Variants in FYB1 observed in about 807,000 individuals in gnomAD.
The protein encoded by FYB1 is FYN-binding protein 1.
Under a neutral mutation model 94.1 loss-of-function variants are expected in FYB1, and 41 were observed. The ratio of observed to expected loss-of-function variants is 0.44; its 90% CI spans 0.34 to 0.57. The LOEUF (loss-of-function observed/expected upper bound fraction) is 0.57, where lower values mean the gene tolerates loss of function less well. Among genes scored for constraint, FYB1 ranks in the 20% least tolerant of loss-of-function variants. The probability of loss-of-function intolerance (pLI) is 0.02; values close to 1 mark genes in which losing one functional copy is unlikely to be tolerated. For missense variants in FYB1, 1,050 were observed against 976.8 expected (o/e 1.07, Z -1.00); for synonymous variants, 367 against 353.2 (o/e 1.04, Z -0.44).
At chr5:39,223,277 T>C (rs1750346496), upstream of FYB1, among the ~76,000 whole-genome samples, 1 of 152,160 alleles carries the variant, frequency 6.6e-6, no homozygotes, top group South Asian at 2.1e-4. Flanking sequence ...AGTAGTATTT[T>C]CCCCTATCAT....
At chr5:39,249,225 C>A (rs1020911849) in intron 1 of FYB1, among the ~76,000 whole-genome samples, 11 of 152,184 alleles carry the variant, frequency 7.2e-5, no homozygotes, top group African/African-American at 2.4e-4. Flanking sequence ...AGAATGCCAG[C>A]CTTACATGTG....
At chr5:39,167,541 C>T (rs1235334038) in intron 2 of FYB1, among the ~76,000 whole-genome samples, 1 of 152,134 alleles carries the variant, frequency 6.6e-6, no homozygotes, top group African/African-American at 2.4e-5. Flanking sequence ...TATTGTGCTG[C>T]CTATTCTGGG....
chr5:39,139,031 A>G, intron 5 of FYB1: 4 of 594,000 alleles, frequency 6.7e-6, no homozygotes, highest in Non-Finnish European at 1.1e-5. Context: ...TTTGTTCAGC[A>G]CTACAGCATT....
At chr5:39,145,339 G>A (rs1201211524) in intron 3 of FYB1, among the ~76,000 whole-genome samples, 1 of 152,128 alleles carries the variant, frequency 6.6e-6, no homozygotes, top group East Asian at 1.9e-4. Flanking sequence ...TATTTGGAAT[G>A]TTTAAAAATG....
intron 2 of FYB1, among the ~76,000 whole-genome samples, chr5:39,189,409 C>A (rs1433639101): frequency 6.6e-6 from 1 of 152,150 alleles, no homozygotes; most frequent in Non-Finnish European, 1.5e-5. Flanking sequence ...TCTAGTAATA[C>A]AATGACTATC....
intron 2 of FYB1, among the ~76,000 whole-genome samples, chr5:39,185,992 G>A (rs189462569): frequency 0.015 from 2,282 of 152,204 alleles, 25 homozygotes; most frequent in Non-Finnish European, 0.023. Context: ...CCTTGTCCAG[G>A]AGGAAAGAGG....
At chr5:39,116,261 A>G (rs2150270543) in intron 16 of FYB1, among the ~76,000 whole-genome samples, 1 of 152,336 alleles carries the variant, frequency 6.6e-6, no homozygotes, top group South Asian at 2.1e-4. Flanking sequence ...AACTCTTTAC[A>G]TAAAAAGCAA....
At chr5:39,227,003 T>A (rs1405222772) in intron 1 of FYB1, among the ~76,000 whole-genome samples, 3 of 152,242 alleles carry the variant, frequency 2.0e-5, no homozygotes, top group Non-Finnish European at 4.4e-5. Context: ...GTGGGACTTT[T>A]GATAGGCTAT....
chr5:39,206,367 C>T (rs1748857517), intron 1 of FYB1, among the ~76,000 whole-genome samples: 1 of 152,126 alleles, frequency 6.6e-6, no homozygotes, highest in African/African-American at 2.4e-5. Flanking sequence ...CCCAGACTCA[C>T]CCTTAATCGT....
chr5:39,247,923 C>T (rs1165009703), intron 1 of FYB1, among the ~76,000 whole-genome samples: 1 of 33,088 alleles, frequency 3.0e-5, no homozygotes, highest in African/African-American at 4.6e-5. Flanking sequence ...TGTTTTCAGA[C>T]AATCTGCTTT....
rs781146910 is a variant in FYB1 at position 39,203,004 on chromosome 5, C to T, written c.-27-17G>A. The T allele has an allele frequency of 6.2e-7, 1 of 1,601,276 alleles. No homozygotes were observed. The highest frequency in any genetic ancestry group is 1.1e-5 in the South Asian group (1 of 90,226). ...CTTTCCATCCTACAAACATAGGGAA[C>T]AAAAAATAGCTGAGAGACAAAAGTC... On this transcript the variant is annotated splice_polypyrimidine_tract_variant and intron_variant, in intron 1 of 18. Coordinates refer to ENST00000512982, the MANE Select transcript of FYB1 (RefSeq NM_001465.6).
intron 6 of FYB1, 127 bp from the exon 7 acceptor site, chr5:39,137,847 A>T: frequency 1.6e-6 from 2 of 1,238,918 alleles, no homozygotes; most frequent in Non-Finnish European, 2.2e-6. Context: ...GTAAAAAGCG[A>T]AAGGTTGTCA....
At chr5:39,195,031 T>C (rs1038545371) in intron 2 of FYB1, among the ~76,000 whole-genome samples, 1 of 152,162 alleles carries the variant, frequency 6.6e-6, no homozygotes, top group Non-Finnish European at 1.5e-5. Flanking sequence ...TACCCGAAGC[T>C]GAACCACGCC....
intron 2 of FYB1, chr5:39,169,464 T>C (rs1745047715): frequency 2.8e-6 from 2 of 709,552 alleles, no homozygotes; most frequent in Non-Finnish European, 5.4e-6. Flanking sequence ...GCCTTCACCA[T>C]TGACAATTTC....
intron 1 of FYB1, among the ~76,000 whole-genome samples, chr5:39,206,017 CTA>C (rs1331413162): frequency 1.3e-5 from 2 of 152,290 alleles, no homozygotes; most frequent in African/African-American, 4.8e-5. Context: ...CATTATTTCT[CTA>C]TGTGACCAAA....
chr5:39,197,293 T>C (rs1250145019), intron 2 of FYB1, among the ~76,000 whole-genome samples: 1 of 152,206 alleles, frequency 6.6e-6, no homozygotes, highest in African/African-American at 2.4e-5. Flanking sequence ...TTCTAAAGCA[T>C]AGAATCTCTC....
At chr5:39,107,548 C>G (rs1399299644) in intron 18 of FYB1, 83 bp from the exon 19 acceptor site, 37 of 878,006 alleles carry the variant, frequency 4.2e-5, no homozygotes, top group Non-Finnish European at 3.3e-5. Context: ...GTGGGTGATT[C>G]ATACTCTCCT....
chr5:39,249,963 C>T (rs1370883987), intron 1 of FYB1, among the ~76,000 whole-genome samples: 1 of 152,048 alleles, frequency 6.6e-6, no homozygotes, highest in African/African-American at 2.4e-5. Flanking sequence ...GGTGGTTTCC[C>T]CCATGCTGTT....
chr5:39,136,422 T>C (rs910268543), intron 7 of FYB1, among the ~76,000 whole-genome samples: 2 of 152,190 alleles, frequency 1.3e-5, no homozygotes, highest in African/African-American at 4.8e-5. Context: ...TTGAAAAATA[T>C]AAAGATTGGT....
Sources: gnomAD v4.1 joint callset for allele counts (sites outside exome capture counted in the v4.1 genomes callset) on GRCh38, gnomAD v4.1.1 for gene constraint, MANE v1.5 for transcripts, NCBI Gene and HGNC (gene_info 2026-07-23, HGNC 2026-07-21) for gene names.